The following HID1 variants were observed in gnomAD, a reference collection of about 807,000 sequenced individuals.
The protein encoded by HID1 is protein HID1.
Under a neutral mutation model 89.7 loss-of-function variants are expected in HID1, and 42 were observed. The ratio of observed to expected loss-of-function variants is 0.47; its 90% confidence interval spans 0.37 to 0.61. The LOEUF (loss-of-function observed/expected upper bound fraction) is 0.61. HID1 is among the 20% of genes least tolerant of loss of function. The probability of loss-of-function intolerance (pLI) is 0.00; values close to 1 mark genes in which losing one functional copy is unlikely to be tolerated. For synonymous variants in HID1, 442 were observed against 433.8 expected (o/e 1.02, Z -0.24); for missense variants, 854 against 1,039.3 (o/e 0.82, Z 2.45).
At position 74,958,872 on chromosome 17, in the gene HID1, C is replaced by G. The variant is rs377422051; in HGVS notation, c.1149+39G>C. On this transcript the variant is annotated intron_variant, in intron 9 of 18. Transcript: ENST00000425042. This position sits in a 1 kb window ranked among gnomAD's most constrained non-coding sequence, Gnocchi z 5.2. ...TGCCCCCGGGTTATTGGGGCAGCTG[C>G]TCTCCATCTCCCTGCAGGGCCCCTC... The G allele has an allele frequency of 4.7e-5, 74 of 1,582,398 alleles. 1 individual carries two copies. The Middle Eastern group carries it at 1.0e-3, about 22-fold the overall frequency.
intron 1 of HID1, among the ~76,000 whole-genome samples, chr17:74,969,162 C>T (rs1448764084): frequency 6.3e-5 from 1 of 15,880 alleles, no homozygotes; most frequent in Admixed American, 1.1e-3. Context: ...TTGGCCTCCA[C>T]CCAGCCCGCC....
At position 74,959,883 on chromosome 17, in the gene HID1, C is replaced by G. The variant is rs1409216947; in HGVS notation, c.1006G>C (p.Glu336Gln). 6.2e-7 allele frequency: 1 copy of G among 1,613,714 alleles called. No homozygotes were observed. Among genetic ancestry groups the G allele is most frequent in the Non-Finnish European group, 8.5e-7 (1 of 1,180,026 alleles). The change falls in exon 8 of 19, where the codon GAG becomes CAG. Residue 336 changes from glutamate (E) to glutamine (Q), a missense_variant and splice_region_variant. Physicochemically the swap from Glu to Gln is conservative, Grantham distance 29. Coordinates refer to ENST00000425042, the MANE Select transcript of HID1 (RefSeq NM_030630.3). This position sits in a 1 kb window ranked among gnomAD's most constrained non-coding sequence, Gnocchi z 4.6. ...VNYLSRIHRE[E>Q]DFQFILKGIA... ...GCCACTGTGGGGACTGGACTTGCCT[C>G]CTCACGATGGATGCGGGACAGGTAG...
At chr17:74,961,083 AAGG>A (rs1047191558) in intron 6 of HID1, among the ~76,000 whole-genome samples, 1 of 152,146 alleles carries the variant, frequency 6.6e-6, no homozygotes, top group African/African-American at 2.4e-5. Flanking sequence ...CTCAAGCCAC[AAGG>A]AGCTGTCGAG....
In HID1 at chr17:74,954,239, A is replaced by C. The variant is rs745739038; in HGVS notation, c.1763T>G (p.Leu588Trp). ...LQRRRRTPEP[L>W]SRTGSQEGTS... ...GCCCTCCTGGGAGCCGGTGCGAGAC[A>C]AGGGCTCAGGTGTCCGCCGGCGCCG... Residue 588 changes from leucine (L) to tryptophan (W), a missense_variant, in exon 14 of 19, where the codon TTG becomes TGG. Physicochemically the swap from Leu to Trp is moderately conservative, Grantham distance 61. Transcript: ENST00000425042. 1.3e-6 allele frequency: 2 copies of C among 1,594,844 alleles called. No individual in the cohort carries two copies. The highest frequency in any genetic ancestry group is 2.3e-5 in the East Asian group (1 of 44,162).
chr17:74,955,282 T>C (rs2039371525), intron 13 of HID1, among the ~76,000 whole-genome samples: 1 of 152,214 alleles, frequency 6.6e-6, no homozygotes, highest in African/African-American at 2.4e-5. Context: ...TGGCGGCTCA[T>C]GCCTGTTATC....
At chr17:74,964,324 C>A in intron 2 of HID1, 159 bp downstream of exon 2, 1 of 813,466 alleles carries the variant, frequency 1.2e-6, no homozygotes. Context: ...CTGCCGTGGT[C>A]CCAACGCCCA....
At position 74,962,171 on chromosome 17, in the gene HID1, C is replaced by A. The variant is rs1378924945; in HGVS notation, c.611+63G>T. On this transcript the variant is annotated intron_variant, in intron 5 of 18. Coordinates refer to ENST00000425042, the MANE Select transcript of HID1 (RefSeq NM_030630.3). This position sits in a 1 kb window ranked among gnomAD's most constrained non-coding sequence, Gnocchi z 4.3. ...GGGAAGACCCCATGGGCTTTCTGAG[C>A]TGTGCGGGGGCCCGGCCCGGGGTCC... The A allele has an allele frequency of 3.6e-5, 50 of 1,397,098 alleles. No homozygotes were observed. The highest frequency in any genetic ancestry group is 4.8e-5 in the Non-Finnish European group (48 of 1,008,332). 86.5% of individuals were successfully genotyped at this position (1,397,098 alleles called of 1,614,324 possible). A position where few individuals can be genotyped will look rare whatever the true frequency, so the allele number is the denominator to read the frequency against.
intron 1 of HID1, among the ~76,000 whole-genome samples, chr17:74,966,391 C>T (rs959643642): frequency 8.7e-5 from 13 of 150,226 alleles, no homozygotes; most frequent in African/African-American, 3.3e-4. Flanking sequence ...TCTGTAAGAG[C>T]ACATGTTACT....
rs2144811352 is a variant in HID1, at chr17:74,959,413, AAAAT to A, written c.1009-366_1009-363del. 6.6e-6 allele frequency among the ~76,000 whole-genome samples: 1 copy of A among 151,976 alleles called. No homozygotes were observed. The highest frequency in any genetic ancestry group is 2.1e-4 in the South Asian group (1 of 4,798). On this transcript the variant is annotated intron_variant, in intron 8 of 18. Coordinates refer to ENST00000425042, the MANE Select transcript of HID1 (RefSeq NM_030630.3). This position sits in a 1 kb window ranked among gnomAD's most constrained non-coding sequence, Gnocchi z 4.6. ...AGGTTCCATCCTTCTACCCCTCCCCAAAATACTCCCCCATCACCCCATCACAACT... is the reference window on the plus strand; with the variant it reads ...AGGTTCCATCCTTCTACCCCTCCCCAACTCCCCCATCACCCCATCACAACT...
In HID1 at chr17:74,962,893, T is replaced by A; in HGVS notation, c.504+72A>T. 2 of 1,151,812 alleles carry A rather than the reference T, an allele frequency of 1.7e-6. No homozygotes were observed. The highest frequency in any genetic ancestry group is 2.5e-6 in the Non-Finnish European group (2 of 789,792). 71.3% of individuals were successfully genotyped at this position (1,151,812 alleles called of 1,614,324 possible). A position where few individuals can be genotyped will look rare whatever the true frequency, so the allele number is the denominator to read the frequency against. ...CCCAGTGCAATCCGCCCAAGGGAAC[T>A]TCAACTGGCCCGGCCCCAACCCAGG... is the stretch of plus-strand genomic sequence containing the variant. On this transcript the variant is annotated intron_variant, in intron 4 of 18. Transcript: ENST00000425042. The surrounding 1 kb of genome is among the most constrained non-coding windows in gnomAD (Gnocchi z 4.3).
intron 16 of HID1, among the ~76,000 whole-genome samples, chr17:74,952,711 A>C (rs1448633873): frequency 1.3e-5 from 2 of 152,162 alleles, no homozygotes; most frequent in Admixed American, 6.5e-5. Context: ...GAAGTCGGAA[A>C]GAGTGATTTA....
At position 74,960,321 on chromosome 17, in the gene HID1, C is replaced by T. The variant is rs2039460503; in HGVS notation, c.729-73G>A. 4.6e-6 allele frequency: 6 copies of T among 1,307,184 alleles called. No homozygotes were observed. In the South Asian group the frequency reaches 5.4e-5, roughly 12 times the overall value. The allele number at this position is 1,307,184 out of a possible 1,614,324, so 81.0% of individuals were successfully genotyped here. ...CCCCCTGGCCACACCTCTCTGGCCA[C>T]GTGGGAAGGTCAGCCTCATTCAACA... On this transcript the variant is annotated intron_variant, in intron 6 of 18. Coordinates refer to ENST00000425042, the MANE Select transcript of HID1 (RefSeq NM_030630.3).
chr17:74,959,764 G>A lies in HID1; in HGVS notation c.1008+117C>T. The A allele has an allele frequency of 9.4e-7, 1 of 1,066,708 alleles. No homozygotes were observed. Among genetic ancestry groups the A allele is most frequent in the East Asian group, 2.4e-5 (1 of 42,074 alleles). 66.1% of individuals were successfully genotyped at this position (1,066,708 alleles called of 1,614,324 possible). On this transcript the variant is annotated intron_variant, in intron 8 of 18. Coordinates refer to ENST00000425042, the MANE Select transcript of HID1 (RefSeq NM_030630.3). The surrounding 1 kb of genome is among the most constrained non-coding windows in gnomAD (Gnocchi z 4.6). ...ACAGTCCTGCCACTATTTCACCTAG[G>A]GTGGCCCCAGCCCACAGAGAGCATG...
At position 74,963,043 on chromosome 17, in the gene HID1, G is replaced by A. The variant is rs116308440; in HGVS notation, c.426C>T (p.Ala142=). Residue 142 remains alanine, a synonymous_variant, in exon 4 of 19, where the codon GCC becomes GCT. Coordinates refer to ENST00000425042, the MANE Select transcript of HID1 (RefSeq NM_030630.3). ...CAGCAATGGCCAGGAGCAGGGACTC[G>A]GCCAGGGGCCTGGCATGCTCATCAT... ...EEDDEHARPL[A]ESLLLAIADL... The A allele has an allele frequency of 2.1e-3, 3,351 of 1,613,170 alleles. 74 individuals are homozygous for A. In the African/African-American group the frequency reaches 0.038, roughly 18 times the overall value.
chr17:74,958,646 A>G lies in HID1; in HGVS notation c.1240+27T>C. 19 of 1,044,214 alleles carry G rather than the reference A, an allele frequency of 1.8e-5. No homozygotes were observed. The highest frequency in any genetic ancestry group is 2.7e-5 in the Non-Finnish European group (18 of 671,128). The allele number at this position is 1,044,214 out of a possible 1,614,324, so 64.7% of individuals were successfully genotyped here. ...CCACCTCGCCGCCAGGAAAGCCCCCAGCATCCCACCCCCACCCTGGTCTTA... is the reference window on the plus strand; with the variant it reads ...CCACCTCGCCGCCAGGAAAGCCCCCGGCATCCCACCCCCACCCTGGTCTTA... On this transcript the variant is annotated intron_variant, in intron 10 of 18. Coordinates refer to ENST00000425042, the MANE Select transcript of HID1 (RefSeq NM_030630.3). This position sits in a 1 kb window ranked among gnomAD's most constrained non-coding sequence, Gnocchi z 5.2.
In HID1 at chr17:74,959,215, T is replaced by A. The variant is rs902728; in HGVS notation, c.1009-164A>T. 0.25 allele frequency among the ~76,000 whole-genome samples: 38,161 copies of A among 151,002 alleles called. 5,982 individuals are homozygous for A. Among genetic ancestry groups the A allele is most frequent in the East Asian group, 0.74 (3,752 of 5,090 alleles). On this transcript the variant is annotated intron_variant, in intron 8 of 18. Transcript: ENST00000425042. The surrounding 1 kb of genome is among the most constrained non-coding windows in gnomAD (Gnocchi z 4.6). ...ATCACCCATAGCTGTCCTGGGGCGA[T>A]GCCTCAGGAAGCGGAGTCCCTCATA...
chr17:74,953,414 G>T, intron 15 of HID1, 131 bp downstream of exon 15: 2 of 701,056 alleles, frequency 2.9e-6, no homozygotes, highest in South Asian at 1.8e-5. Flanking sequence ...TGACCCTAAT[G>T]CCCTGGGCAC....
Position 74,958,673 on chromosome 17 carries a change from A to G in HID1, c.1240T>C (p.Ser414Pro). The G allele has an allele frequency of 6.9e-7, 1 of 1,457,080 alleles. No homozygotes were observed. The highest frequency in any genetic ancestry group is 2.5e-5 in the East Asian group (1 of 40,724). The allele number at this position is 1,457,080 out of a possible 1,614,324, so 90.3% of individuals were successfully genotyped here. Residue 414 changes from serine (S) to proline (P), a missense_variant and splice_region_variant, in exon 10 of 19, where the codon TCT becomes CCT. By Grantham distance (74) the Ser-to-Pro change is moderately conservative. Transcript: ENST00000425042. The surrounding 1 kb of genome is among the most constrained non-coding windows in gnomAD (Gnocchi z 5.2). ...CATCCCACCCCCACCCTGGTCTTAC[A>G]CTGATCGGCCCGGGCATCGTTGAGG... ...FFLNDARADQ[S>P]RVGLMHIGVF... is the part of the protein sequence containing the mutation.
chr17:74,972,608 G>A lies in HID1; in HGVS notation c.49C>T (p.Leu17Phe). Residue 17 changes from leucine to phenylalanine, a missense_variant, in exon 1 of 19, where the codon CTC (leucine) becomes TTC (phenylalanine). By Grantham distance (22) the Leu-to-Phe change is conservative. Coordinates refer to ENST00000425042, the MANE Select transcript of HID1 (RefSeq NM_030630.3). This position sits in a 1 kb window ranked among gnomAD's most constrained non-coding sequence, Gnocchi z 6.4. Reference sequence around the variant, plus strand: ...TGGCGCACCTGCGTCTTGGTGGTGAGCTGGATCACCGCCTTCCGGAAGTTC... The same window carrying A: ...TGGCGCACCTGCGTCTTGGTGGTGAACTGGATCACCGCCTTCCGGAAGTTC... ...KLNFRKAVIQ[L>F]TTKTQPVEAT... 6.5e-7 allele frequency: 1 copy of A among 1,548,724 alleles called. No homozygotes were observed. Among genetic ancestry groups the A allele is most frequent in the Non-Finnish European group, 8.7e-7 (1 of 1,145,632 alleles).
Sources: allele counts gnomAD v4.1 joint callset (sites outside exome capture counted in the v4.1 genomes callset), GRCh38; gene constraint gnomAD v4.1.1; non-coding constraint Gnocchi (gnomAD v3.1); transcripts MANE v1.5; gene names NCBI Gene and HGNC (gene_info 2026-07-23, HGNC 2026-07-21).